Variants in LRBA observed in about 807,000 individuals in gnomAD.
LRBA encodes the protein lipopolysaccharide-responsive and beige-like anchor protein.
A neutral mutation model predicts 330.0 loss-of-function variants in LRBA; 176 were observed. The ratio of observed to expected loss-of-function variants is 0.53; its 90% CI spans 0.47 to 0.60. The LOEUF is 0.60. Ranked by LOEUF, LRBA falls within the 20% of genes least tolerant of loss-of-function variation. The probability of loss-of-function intolerance (pLI) is 0.00; values close to 1 mark genes in which losing one functional copy is unlikely to be tolerated. For missense variants in LRBA, 3,259 were observed against 3,444.8 expected (o/e 0.95, Z 1.35); for synonymous variants, 1,230 against 1,193.0 (o/e 1.03, Z -0.64).
chr4:150,332,407 C>T (rs1457881121), intron 48 of LRBA, among the ~76,000 whole-genome samples: 1 of 152,094 alleles, frequency 6.6e-6, no homozygotes. Context: ...ACTTTTACTG[C>T]CTATTTATCT....
chr4:150,891,960 C>G (rs1024981344), intron 17 of LRBA, among the ~76,000 whole-genome samples: 1 of 152,060 alleles, frequency 6.6e-6, no homozygotes. Flanking sequence ...GGCATGGTGG[C>G]ACACGCCTGT....
At chr4:151,004,668 A>G (rs1207664976) in intron 2 of LRBA, among the ~76,000 whole-genome samples, 1 of 152,262 alleles carries the variant, frequency 6.6e-6, no homozygotes, top group Non-Finnish European at 1.5e-5. Flanking sequence ...GTTACATAAT[A>G]TATTAGAAGA....
intron 40 of LRBA, among the ~76,000 whole-genome samples, chr4:150,571,954 A>G (rs548975645): frequency 9.9e-5 from 15 of 151,888 alleles, no homozygotes; most frequent in African/African-American, 3.6e-4. Context: ...AAATATTATC[A>G]TCTCTTCGTA....
intron 47 of LRBA, among the ~76,000 whole-genome samples, chr4:150,374,429 C>A (rs943516133): frequency 6.6e-6 from 1 of 152,132 alleles, no homozygotes; most frequent in Admixed American, 6.5e-5. Context: ...ATGAAGTAGA[C>A]CCACCTTGAA....
At chr4:150,555,801 T>C (rs1360699968) in intron 40 of LRBA, among the ~76,000 whole-genome samples, 4 of 136,092 alleles carry the variant, frequency 2.9e-5, no homozygotes, top group Non-Finnish European at 1.6e-5. Flanking sequence ...AAATAGAATC[T>C]AAAAATATTC....
chr4:150,756,706 T>C (rs1336623446), intron 35 of LRBA, among the ~76,000 whole-genome samples: 1 of 152,188 alleles, frequency 6.6e-6, no homozygotes, highest in African/African-American at 2.4e-5. Context: ...CATCTAAATT[T>C]AGTATAACAC....
intron 2 of LRBA, among the ~76,000 whole-genome samples, chr4:151,008,227 T>C (rs1744346797): frequency 6.6e-6 from 1 of 151,862 alleles, no homozygotes; most frequent in Non-Finnish European, 1.5e-5. Context: ...ATTACAGGCA[T>C]GCGCCACCAC....
At chr4:150,452,365 T>C (rs1045110361) in intron 44 of LRBA, among the ~76,000 whole-genome samples, 4 of 152,322 alleles carry the variant, frequency 2.6e-5, no homozygotes, top group Non-Finnish European at 4.4e-5. Flanking sequence ...AAACTTCTTA[T>C]AGAAGGGAAC....
intron 43 of LRBA, among the ~76,000 whole-genome samples, chr4:150,468,137 CTCTT>C (rs1182092151): frequency 6.6e-6 from 1 of 152,010 alleles, no homozygotes; most frequent in Non-Finnish European, 1.5e-5. Flanking sequence ...AAATAAAATA[CTCTT>C]TTTTTTATGA....
chr4:150,808,059 A>AT (rs749266445), intron 32 of LRBA, among the ~76,000 whole-genome samples: 7 of 152,262 alleles, frequency 4.6e-5, no homozygotes, highest in Non-Finnish European at 8.8e-5. Context: ...TGCAGCAATT[A>AT]TTTTTTTACC....
chr4:150,861,319 A>G (rs930531813), intron 22 of LRBA, among the ~76,000 whole-genome samples: 17 of 138,566 alleles, frequency 1.2e-4, no homozygotes, highest in African/African-American at 5.4e-4. Flanking sequence ...GTAGATTGAG[A>G]CTCACTATGT....
At position 150,282,534 on chromosome 4, in the gene LRBA, G is replaced by A. The variant is rs770820437; in HGVS notation, c.8232C>T (p.Val2744=). 6.2e-7 allele frequency: 1 copy of A among 1,614,042 alleles called. No individual in the cohort carries two copies. The highest frequency in any genetic ancestry group is 8.5e-7 in the Non-Finnish European group (1 of 1,179,940). ...LIQASREGHC[V]IFYENGLFCT... ...AGAAGAGGCCGTTTTCATAGAATAT[G>A]ACACAATGACCCTCTCTTGAAGCCT... is the stretch of plus-strand genomic sequence containing the variant. Residue 2744 remains valine, a synonymous_variant, in exon 55 of 57, where the codon GTC becomes GTT. Coordinates refer to ENST00000651943, the MANE Select transcript of LRBA (RefSeq NM_001364905.1).
chr4:150,552,512 G>A (rs1452770534), intron 40 of LRBA, among the ~76,000 whole-genome samples: 1 of 152,240 alleles, frequency 6.6e-6, no homozygotes, highest in East Asian at 1.9e-4. Flanking sequence ...TGTTGGAGAG[G>A]ATGTGGAGAA....
intron 20 of LRBA, among the ~76,000 whole-genome samples, chr4:150,869,193 A>G (rs1244097509): frequency 6.6e-6 from 1 of 150,992 alleles, no homozygotes; most frequent in Non-Finnish European, 1.5e-5. Flanking sequence ...TGCTGGGATT[A>G]CAGGCATGAG....
At position 150,743,355 on chromosome 4, in the gene LRBA, CACT is replaced by C. The variant is rs1319516467; in HGVS notation, c.5646-7992_5646-7990del. Among the ~76,000 whole-genome samples the C allele has an allele frequency of 3.3e-5, 5 of 152,120 alleles. No homozygotes were observed. In the South Asian group the frequency reaches 6.2e-4, roughly 19 times the overall value. On this transcript the variant is annotated intron_variant, in intron 35 of 56. Coordinates refer to ENST00000651943, the MANE Select transcript of LRBA (RefSeq NM_001364905.1). ...ATATTCCTCATGAATCAATTAATTT[CACT>C]ACAACACTATTTATGAAAGTGAGAA...
chr4:150,453,062 G>A (rs1183588262), intron 44 of LRBA, among the ~76,000 whole-genome samples: 3 of 152,110 alleles, frequency 2.0e-5, no homozygotes, highest in African/African-American at 7.2e-5. Context: ...TAAATAAGCG[G>A]AAAAGACACT....
chr4:150,854,377 C>T (rs1324582653), intron 22 of LRBA, among the ~76,000 whole-genome samples: 1 of 152,098 alleles, frequency 6.6e-6, no homozygotes, highest in Middle Eastern at 3.2e-3. Context: ...ATTCACAATG[C>T]CAATATTTTA....
At chr4:150,417,078 C>T (rs961823818) in intron 46 of LRBA, among the ~76,000 whole-genome samples, 1 of 151,998 alleles carries the variant, frequency 6.6e-6, no homozygotes, top group African/African-American at 2.4e-5. Flanking sequence ...ACAGTATATG[C>T]AGTGCTAAAC....
At chr4:150,938,149 C>A (rs901458921) in intron 2 of LRBA, among the ~76,000 whole-genome samples, 12 of 150,946 alleles carry the variant, frequency 7.9e-5, no homozygotes, top group African/African-American at 2.2e-4. Context: ...TGTGACCTAT[C>A]TATTATGACA....
Sources: allele counts gnomAD v4.1 joint callset (sites outside exome capture counted in the v4.1 genomes callset), GRCh38; gene constraint gnomAD v4.1.1; transcripts MANE v1.5; gene names NCBI Gene and HGNC (gene_info 2026-07-23, HGNC 2026-07-21).